Variants in BBX observed in about 807,000 individuals in gnomAD.
The protein encoded by BBX is BBX high mobility group box domain containing.
Under a neutral mutation model 100.2 loss-of-function variants are expected in BBX, and 30 were observed. That is an observed-to-expected ratio of 0.30 (90% confidence interval 0.22 to 0.41). The LOEUF (loss-of-function observed/expected upper bound fraction) is 0.41. Among genes scored for constraint, BBX ranks in the 10% least tolerant of loss-of-function variants. BBX has a pLI of 1.00. For missense variants in BBX, 1,023 were observed against 1,129.8 expected (o/e 0.91, Z 1.35); for synonymous variants, 376 against 388.1 (o/e 0.97, Z 0.37).
At chr3:107,692,245 G>A (rs915703194) in intron 3 of BBX, among the ~76,000 whole-genome samples, 1 of 151,208 alleles carries the variant, frequency 6.6e-6, no homozygotes, top group African/African-American at 2.4e-5. Flanking sequence ...TGCACAATGT[G>A]CAGGTTAGTT....
chr3:107,645,652 T>A (rs2057471309), intron 2 of BBX, among the ~76,000 whole-genome samples, 184 bp from the exon 3 acceptor site: 1 of 152,198 alleles, frequency 6.6e-6, no homozygotes, highest in African/African-American at 2.4e-5. Flanking sequence ...AAATTGAAAA[T>A]AAACACTTTA....
At chr3:107,593,767 C>CAA (rs1218743779) in intron 2 of BBX, among the ~76,000 whole-genome samples, 2 of 152,108 alleles carry the variant, frequency 1.3e-5, no homozygotes, top group African/African-American at 4.8e-5. Context: ...AAAAACAAAA[C>CAA]AAAACGAAAC....
Position 107,724,467 on chromosome 3 carries a change from C to T in BBX, c.406-4298C>T, listed in dbSNP as rs1313354220. Among the ~76,000 whole-genome samples the T allele has an allele frequency of 2.6e-5, 4 of 152,130 alleles. No individual in the cohort carries two copies. In the East Asian group the frequency reaches 7.7e-4, roughly 29 times the overall value. ...TTGCCATTGCTTTTGGTGTTTTAGA[C>T]ATGAAGTCCTTGCCCATGCCTATGT... On this transcript the variant is annotated intron_variant, in intron 5 of 17. Transcript: ENST00000325805.
At chr3:107,727,092 A>C (rs1233268779) in intron 5 of BBX, among the ~76,000 whole-genome samples, 1 of 149,888 alleles carries the variant, frequency 6.7e-6, no homozygotes, top group Non-Finnish European at 1.5e-5. Flanking sequence ...ATTTTAAACT[A>C]CCCCCCCCAA....
chr3:107,625,125 C>T (rs1282437653), intron 2 of BBX, among the ~76,000 whole-genome samples: 1 of 152,148 alleles, frequency 6.6e-6, no homozygotes, highest in Non-Finnish European at 1.5e-5. Flanking sequence ...TGTTCTCTTT[C>T]TGAGACTTAA....
At chr3:107,550,186 A>T (rs1184990589) in intron 2 of BBX, among the ~76,000 whole-genome samples, 2 of 152,096 alleles carry the variant, frequency 1.3e-5, no homozygotes, top group Non-Finnish European at 2.9e-5. Flanking sequence ...TACAGAAACA[A>T]CTTTCCTATG....
intron 9 of BBX, 94 bp from the exon 10 acceptor site, chr3:107,755,504 C>T (rs189627501): frequency 2.5e-4 from 276 of 1,097,200 alleles, no homozygotes; most frequent in Non-Finnish European, 3.5e-4. Flanking sequence ...ATGATACTCT[C>T]GTAACTAAGA....
At chr3:107,620,295 C>T (rs1352980258) in intron 2 of BBX, among the ~76,000 whole-genome samples, 1 of 152,136 alleles carries the variant, frequency 6.6e-6, no homozygotes, top group Non-Finnish European at 1.5e-5. Context: ...TCATTTGTTT[C>T]AGGCACGGTT....
At chr3:107,618,746 G>A (rs1487699150) in intron 2 of BBX, among the ~76,000 whole-genome samples, 4 of 151,962 alleles carry the variant, frequency 2.6e-5, no homozygotes, top group Admixed American at 1.3e-4. Context: ...ATGCCCTTGT[G>A]ACTAGGGGAG....
At chr3:107,608,282 T>G (rs1185658699) in intron 2 of BBX, among the ~76,000 whole-genome samples, 2 of 152,238 alleles carry the variant, frequency 1.3e-5, no homozygotes, top group Non-Finnish European at 2.9e-5. Flanking sequence ...CTCATTCTTC[T>G]GCATATGGAT....
chr3:107,671,925 T>G (rs941112814), intron 3 of BBX, among the ~76,000 whole-genome samples: 6 of 152,122 alleles, frequency 3.9e-5, no homozygotes, highest in African/African-American at 1.4e-4. Flanking sequence ...AGTCTCTACT[T>G]GTGATTCTTT....
intron 3 of BBX, among the ~76,000 whole-genome samples, chr3:107,704,373 G>A (rs1214411045): frequency 6.6e-6 from 1 of 152,208 alleles, no homozygotes; most frequent in African/African-American, 2.4e-5. Flanking sequence ...AAAAGGTAGT[G>A]ATGGCACCTG....
At chr3:107,737,582 T>C (rs920743458) in intron 7 of BBX, among the ~76,000 whole-genome samples, 1 of 152,172 alleles carries the variant, frequency 6.6e-6, no homozygotes, top group Admixed American at 6.6e-5. Flanking sequence ...GTGCCATCTT[T>C]TCTTATATTT....
At chr3:107,772,506 G>C in intron 10 of BBX, 122 bp from the exon 11 acceptor site, 1 of 1,088,680 alleles carries the variant, frequency 9.2e-7, no homozygotes, top group Non-Finnish European at 1.3e-6. Context: ...TGGGCTGATT[G>C]TTGTAAAGTT....
At chr3:107,755,139 G>A (rs2107670385) in intron 9 of BBX, among the ~76,000 whole-genome samples, 1 of 152,236 alleles carries the variant, frequency 6.6e-6, no homozygotes, top group East Asian at 1.9e-4. Context: ...GCTGTCATAT[G>A]GCCTTGCACA....
At chr3:107,706,370 C>T (rs928388105) in intron 3 of BBX, among the ~76,000 whole-genome samples, 1 of 152,070 alleles carries the variant, frequency 6.6e-6, no homozygotes, top group South Asian at 2.1e-4. Flanking sequence ...TTTTCCTAAT[C>T]TGTCAATTTA....
At chr3:107,619,049 CTCTATATATTTTGTAGCTCCA>C (rs1283570113) in intron 2 of BBX, among the ~76,000 whole-genome samples, 3 of 151,946 alleles carry the variant, frequency 2.0e-5, no homozygotes, top group Non-Finnish European at 4.4e-5. Context: ...TAAGTTTTTA[CTCTATATATTTTGTAGCTCCA>C]TCTATGCATA....
Position 107,772,755 on chromosome 3 carries a change from C to T in BBX, c.1034C>T (p.Thr345Ile). Residue 345 changes from threonine (T) to isoleucine (I), a missense_variant, in exon 11 of 18, where the codon ACA becomes ATA. Physicochemically the swap from Thr to Ile is moderately conservative, Grantham distance 89. Around this residue, in one of 9 missense-constraint regions of BBX, gnomAD observed 348 missense variants for 353.2 expected, o/e 0.99. Coordinates refer to ENST00000325805, the MANE Select transcript of BBX (RefSeq NM_001142568.3). Reference protein sequence around the residue: ...KEEKEIKMEKTDETRLQKEAE... With the variant: ...KEEKEIKMEKIDETRLQKEAE... ...GAAAAAGAAATTAAAATGGAGAAAA[C>T]AGATGAAACTAGGTTACAGAAGGAA... is the stretch of plus-strand genomic sequence containing the variant. The T allele has an allele frequency of 6.2e-7, 1 of 1,612,690 alleles. No individual in the cohort carries two copies. Among genetic ancestry groups the T allele is most frequent in the Non-Finnish European group, 8.5e-7 (1 of 1,179,650 alleles).
intron 2 of BBX, among the ~76,000 whole-genome samples, chr3:107,540,869 T>C (rs1394080534): frequency 6.6e-6 from 1 of 152,220 alleles, no homozygotes; most frequent in Non-Finnish European, 1.5e-5. Context: ...AGTTTATGTA[T>C]TCACTCCTCT....
Sources: gnomAD v4.1 joint callset for allele counts (sites outside exome capture counted in the v4.1 genomes callset) on GRCh38, gnomAD v4.1.1 for gene constraint, gnomAD v4.1.1 regional missense constraint, MANE v1.5 for transcripts, NCBI Gene and HGNC (gene_info 2026-07-23, HGNC 2026-07-21) for gene names.